Variants in MID1 observed in about 807,000 individuals in gnomAD.
MID1 encodes the protein midline 1, also known as E3 ubiquitin-protein ligase Midline-1.
In MID1, 7 loss-of-function variants were observed where a neutral mutation model predicts 40.4. The observed-to-expected ratio is 0.17, with a 90% CI of 0.10 to 0.33. The LOEUF (loss-of-function observed/expected upper bound fraction) is 0.33, where lower values mean the gene tolerates loss of function less well. MID1 is among the 10% of genes least tolerant of loss of function. The probability of loss-of-function intolerance (pLI) is 1.00; values close to 1 mark genes in which losing one functional copy is unlikely to be tolerated. For synonymous variants in MID1, 229 were observed against 221.2 expected (o/e 1.04, Z -0.31); for missense variants, 367 against 558.5 (o/e 0.66, Z 3.46).
intron 1 of MID1, among the ~76,000 whole-genome samples, chrX:10,574,496 G>T (rs1411066299): frequency 8.9e-6 from 1 of 111,941 alleles, no homozygotes; most frequent in Non-Finnish European, 1.9e-5. Flanking sequence ...GTGCTAACTT[G>T]TTACAGCATC....
At chrX:10,490,697 C>A (rs753168045) in intron 4 of MID1, among the ~76,000 whole-genome samples, 209 of 112,085 alleles carry the variant, frequency 1.9e-3, no homozygotes, top group Middle Eastern at 9.2e-3. Context: ...AGATCATACA[C>A]TCTACATAAA....
chrX:10,481,777 A>G (rs1035644207), intron 5 of MID1, among the ~76,000 whole-genome samples: 1 of 112,438 alleles, frequency 8.9e-6, no homozygotes, highest in Non-Finnish European at 1.9e-5. Context: ...TAGAATTGCT[A>G]TAGGTGTTTG....
intron 1 of MID1, among the ~76,000 whole-genome samples, chrX:10,632,582 G>T (rs923144858): frequency 9.0e-6 from 1 of 110,815 alleles, no homozygotes; most frequent in African/African-American, 3.3e-5. Context: ...TAGAGGGCTT[G>T]TTAAAACACA....
At chrX:10,564,091 A>G (rs1352172345) in intron 2 of MID1, among the ~76,000 whole-genome samples, 1 of 112,263 alleles carries the variant, frequency 8.9e-6, no homozygotes, top group Non-Finnish European at 1.9e-5. Context: ...TGTCTTATCA[A>G]TGAAAGCATC....
chrX:10,792,360 C>A (rs928489565), intron 1 of MID1, among the ~76,000 whole-genome samples: 1 of 111,159 alleles, frequency 9.0e-6, no homozygotes, highest in African/African-American at 3.3e-5. Context: ...AAAAGAAAAC[C>A]GTCGATGGTA....
chrX:10,529,168 A>T lies in MID1; in HGVS notation c.661-5981T>A, dbSNP rs199637186. 1.1e-3 allele frequency among the ~76,000 whole-genome samples: 122 copies of T among 112,153 alleles called. No individual in the cohort carries two copies. In the East Asian group the frequency reaches 0.012, roughly 11 times the overall value. ...AAGTTTCGAGTTTAGACTGATTTTTAAAAAAAGCTTAATTTGTAACACTTA... is the reference window on the plus strand; with the variant it reads ...AAGTTTCGAGTTTAGACTGATTTTTTAAAAAAGCTTAATTTGTAACACTTA... On this transcript the variant is annotated intron_variant, in intron 2 of 9. Transcript: ENST00000317552.
intron 1 of MID1, among the ~76,000 whole-genome samples, chrX:10,618,773 A>C (rs1293548399): frequency 8.9e-6 from 1 of 111,924 alleles, no homozygotes; most frequent in Non-Finnish European, 1.9e-5. Flanking sequence ...GTGTGGGAAC[A>C]GGGATTCTGG....
chrX:10,524,276 C>G (rs1932786800), intron 2 of MID1, among the ~76,000 whole-genome samples: 1 of 111,766 alleles, frequency 8.9e-6, no homozygotes, highest in Non-Finnish European at 1.9e-5. Flanking sequence ...TTTCTCTGTT[C>G]CTTCTCATTC....
intron 1 of MID1, among the ~76,000 whole-genome samples, chrX:10,703,645 C>T (rs934226729): frequency 9.0e-6 from 1 of 111,436 alleles, no homozygotes; most frequent in Admixed American, 9.5e-5. Context: ...CCAGCCCGGG[C>T]GACAGAGTGA....
intron 4 of MID1, among the ~76,000 whole-genome samples, chrX:10,491,772 A>C (rs1930966593): frequency 8.9e-6 from 1 of 111,999 alleles, no homozygotes; most frequent in Admixed American, 9.5e-5. Context: ...GTGGTCTTAG[A>C]GGCAGGGTTC....
intron 4 of MID1, among the ~76,000 whole-genome samples, chrX:10,482,980 ACT>A (rs1930424014): frequency 8.9e-6 from 1 of 112,482 alleles, no homozygotes; most frequent in African/African-American, 3.2e-5. Flanking sequence ...GAACCCTGGA[ACT>A]TTCTCTATCT....
chrX:10,468,348 CTT>C (rs919354885), intron 7 of MID1, among the ~76,000 whole-genome samples: 6 of 111,557 alleles, frequency 5.4e-5, no homozygotes, highest in African/African-American at 2.0e-4. Flanking sequence ...CTGCATCACT[CTT>C]TTAATTAATC....
intron 3 of MID1, among the ~76,000 whole-genome samples, chrX:10,516,378 T>G (rs184747135): frequency 0.03 from 3,191 of 107,709 alleles, 77 homozygotes; most frequent in African/African-American, 0.074. Context: ...GTATTTTTAG[T>G]AGAGACAGGG....
intron 1 of MID1, among the ~76,000 whole-genome samples, chrX:10,620,079 A>C (rs1935907843): frequency 8.9e-6 from 1 of 112,205 alleles, no homozygotes; most frequent in African/African-American, 3.2e-5. Context: ...TAGAGGCAAA[A>C]GTGGGGGCGG....
upstream of MID1, chrX:10,620,764 T>C (rs765794596): frequency 2.1e-4 from 24 of 112,447 alleles, no homozygotes; most frequent in African/African-American, 6.8e-4. Context: ...GGATGAGTTC[T>C]ATTCTTATCT....
intron 1 of MID1, among the ~76,000 whole-genome samples, chrX:10,617,542 G>GT (rs1047159528): frequency 4.5e-5 from 5 of 111,661 alleles, no homozygotes; most frequent in African/African-American, 9.8e-5. Flanking sequence ...TTCCCTTAGA[G>GT]TTTTTTTTCT....
intron 1 of MID1, among the ~76,000 whole-genome samples, chrX:10,666,109 A>G (rs757352920): frequency 9.0e-6 from 1 of 110,676 alleles, no homozygotes; most frequent in African/African-American, 3.3e-5. Flanking sequence ...ATAAAAAAAG[A>G]GAGAGAAAAA....
chrX:10,587,009 T>C (rs758641106), intron 1 of MID1, among the ~76,000 whole-genome samples: 1 of 112,859 alleles, frequency 8.9e-6, no homozygotes, highest in Non-Finnish European at 1.9e-5. Flanking sequence ...TTAACTGTCA[T>C]CTACCAAAAT....
At chrX:10,789,761 T>A (rs1225747205) in intron 1 of MID1, among the ~76,000 whole-genome samples, 1 of 111,613 alleles carries the variant, frequency 9.0e-6, no homozygotes, top group Admixed American at 9.5e-5. Context: ...GTAGGTAGGG[T>A]GGGGGATTCC....
Sources: gnomAD v4.1 joint callset for allele counts (sites outside exome capture counted in the v4.1 genomes callset) on GRCh38, gnomAD v4.1.1 for gene constraint, MANE v1.5 for transcripts, NCBI Gene and HGNC (gene_info 2026-07-23, HGNC 2026-07-21) for gene names.